MIR2052HG: variants seen among roughly 807,000 people sequenced by gnomAD.
MIR2052HG encodes MIR2052 host gene.
At position 74,652,703 on chromosome 8, in the gene MIR2052HG, C is replaced by T. The variant is rs537121510; in HGVS notation, n.216+39763C>T. ...CATTAAATGTGCTTATCACATAACA[C>T]ATATCTATTTCTGAAAAGTCAAATA... On this transcript the variant is annotated intron_variant and non_coding_transcript_variant, in intron 2 of 6. Coordinates refer to ENST00000523442, the Ensembl canonical transcript of MIR2052HG. Among the ~76,000 whole-genome samples the T allele has an allele frequency of 3.0e-4, 45 of 152,250 alleles. No individual in the cohort carries two copies. In the South Asian group the frequency reaches 3.9e-3, roughly 13 times the overall value.
chr8:74,741,540 C>T (rs544854814), intron 4 of MIR2052HG, among the ~76,000 whole-genome samples: 22 of 152,286 alleles, frequency 1.4e-4, no homozygotes, highest in African/African-American at 4.6e-4. Context: ...TTAGCCCCTT[C>T]ACACTGATTT....
At chr8:74,739,131 A>G (rs1809801123) in intron 4 of MIR2052HG, among the ~76,000 whole-genome samples, 1 of 152,222 alleles carries the variant, frequency 6.6e-6, no homozygotes, top group Non-Finnish European at 1.5e-5. Flanking sequence ...TTTTGCTGTT[A>G]CTAATAAGCA....
chr8:74,709,713 A>T (rs2128741635), intron 4 of MIR2052HG, among the ~76,000 whole-genome samples: 1 of 152,254 alleles, frequency 6.6e-6, no homozygotes, highest in Middle Eastern at 3.4e-3. Context: ...ATTACTTAGC[A>T]GTTATTAATT....
At chr8:74,662,972 C>T (rs974420001) in intron 2 of MIR2052HG, among the ~76,000 whole-genome samples, 2 of 151,318 alleles carry the variant, frequency 1.3e-5, no homozygotes, top group Non-Finnish European at 2.9e-5. Flanking sequence ...TAGTATCATA[C>T]TTTTATTATG....
chr8:74,752,377 T>A, intron 4 of MIR2052HG: 1 of 435,450 alleles, frequency 2.3e-6, no homozygotes, highest in Non-Finnish European at 4.5e-6. Flanking sequence ...AATTTGATAA[T>A]CCTTAGCATT....
intron 2 of MIR2052HG, among the ~76,000 whole-genome samples, chr8:74,693,320 T>A (rs542834236): frequency 3.3e-5 from 5 of 152,160 alleles, no homozygotes; most frequent in Admixed American, 2.0e-4. Flanking sequence ...CTCACAGGGG[T>A]CCTTGGAGAG....
chr8:74,719,807 G>T (rs1157182802), intron 4 of MIR2052HG, among the ~76,000 whole-genome samples: 1 of 148,748 alleles, frequency 6.7e-6, no homozygotes, highest in African/African-American at 2.5e-5. Flanking sequence ...TTTCTTTGAA[G>T]ATTGCTTCTT....
intron 1 of MIR2052HG, among the ~76,000 whole-genome samples, chr8:74,601,737 T>C (rs1400892627): frequency 1.3e-5 from 2 of 152,154 alleles, no homozygotes; most frequent in African/African-American, 2.4e-5. Flanking sequence ...ATCAACACAG[T>C]AAACATTTAA....
intron 2 of MIR2052HG, among the ~76,000 whole-genome samples, chr8:74,681,732 A>G (rs1809127411): frequency 6.6e-6 from 1 of 152,132 alleles, no homozygotes; most frequent in African/African-American, 2.4e-5. Flanking sequence ...CTGCCATGGG[A>G]TAACTCATCA....
intron 2 of MIR2052HG, among the ~76,000 whole-genome samples, chr8:74,694,926 C>A (rs989296955): frequency 6.6e-6 from 1 of 152,090 alleles, no homozygotes; most frequent in Admixed American, 6.5e-5. Context: ...AATAAAAGTT[C>A]TCCAGCCTTG....
chr8:74,749,724 C>T (rs940685805), intron 4 of MIR2052HG, among the ~76,000 whole-genome samples: 5 of 151,732 alleles, frequency 3.3e-5, no homozygotes, highest in African/African-American at 9.7e-5. Flanking sequence ...TGTCGGGTGC[C>T]TGTAATCCCA....
intron 2 of MIR2052HG, among the ~76,000 whole-genome samples, chr8:74,657,111 G>C (rs1808815105): frequency 6.6e-6 from 1 of 152,146 alleles, no homozygotes; most frequent in South Asian, 2.1e-4. Context: ...TCATTACCCA[G>C]GCAGTGGTTA....
intron 4 of MIR2052HG, among the ~76,000 whole-genome samples, chr8:74,725,313 C>T (rs1345045092): frequency 6.6e-6 from 1 of 152,192 alleles, no homozygotes; most frequent in Non-Finnish European, 1.5e-5. Context: ...GACAGACTCA[C>T]TCACTTAGCG....
chr8:74,679,521 CTATTATTATTATTAT>C (rs71565406), intron 2 of MIR2052HG, among the ~76,000 whole-genome samples: 37,764 of 141,900 alleles, frequency 0.27, 5,839 homozygotes, highest in East Asian at 0.64. Context: ...GGCTTGTTTA[CTATTATTATTATTAT>C]TATTATTATT....
intron 2 of MIR2052HG, among the ~76,000 whole-genome samples, chr8:74,685,819 GAAT>G (rs1357798333): frequency 6.6e-6 from 1 of 152,006 alleles, no homozygotes; most frequent in African/African-American, 2.4e-5. Flanking sequence ...GACTTTAGAA[GAAT>G]AATAAAAATA....
At chr8:74,600,824 T>C (rs1807989748) in intron 1 of MIR2052HG, among the ~76,000 whole-genome samples, 1 of 152,050 alleles carries the variant, frequency 6.6e-6, no homozygotes, top group African/African-American at 2.4e-5. Flanking sequence ...TCTGCCAGCC[T>C]GAGCCTCCCA....
intron 5 of MIR2052HG, among the ~76,000 whole-genome samples, chr8:74,755,455 A>G (rs367600892): frequency 5.3e-5 from 8 of 152,344 alleles, no homozygotes; most frequent in African/African-American, 1.9e-4. Flanking sequence ...GTTCTGGGAA[A>G]GTCATACTTT....
intron 2 of MIR2052HG, among the ~76,000 whole-genome samples, chr8:74,617,867 A>G (rs1441664070): frequency 6.6e-6 from 1 of 152,096 alleles, no homozygotes; most frequent in African/African-American, 2.4e-5. Flanking sequence ...GCCAACATCT[A>G]TTGTTTTGGA....
intron 2 of MIR2052HG, among the ~76,000 whole-genome samples, chr8:74,622,980 T>C (rs74963890): frequency 2.7e-3 from 404 of 152,292 alleles, no homozygotes; most frequent in African/African-American, 8.6e-3. Flanking sequence ...AAGTAGTGGT[T>C]ACAAGGAGAC....
Sources: gnomAD v4.1 joint callset for allele counts (sites outside exome capture counted in the v4.1 genomes callset) on GRCh38, gnomAD v4.1.1 for gene constraint, MANE v1.5 for transcripts, NCBI Gene and HGNC (gene_info 2026-07-23, HGNC 2026-07-21) for gene names.